The following PTPRD variants were observed in gnomAD, a reference collection of about 807,000 sequenced individuals.
The protein encoded by PTPRD is protein tyrosine phosphatase receptor type D, also known as receptor-type tyrosine-protein phosphatase delta.
In PTPRD, 34 loss-of-function variants were observed where a neutral mutation model predicts 214.5. That is an observed-to-expected ratio of 0.16 (90% CI 0.12 to 0.21). The LOEUF is 0.21. PTPRD is among the 10% of genes least tolerant of loss of function. The pLI, the probability that PTPRD is intolerant of heterozygous loss-of-function variation, is 1.00. For synonymous variants in PTPRD, 1,128 were observed against 845.7 expected (o/e 1.33, Z -5.79); for missense variants, 2,545 against 2,398.7 (o/e 1.06, Z -1.27).
chr9:9,671,102 C>T (rs2096824438), intron 7 of PTPRD, among the ~76,000 whole-genome samples: 1 of 152,158 alleles, frequency 6.6e-6, no homozygotes, highest in South Asian at 2.1e-4. Flanking sequence ...GGGAGGGAAA[C>T]TGTACCCTAC....
In PTPRD at chr9:9,651,826, G is replaced by GTTTTTTTT. The variant is rs869105633; in HGVS notation, c.-286-77053_-286-77046dup. ...CTGCCTTTGTATTTATTCAAGGTTT[G>GTTTTTTTT]TTTTTTTTTTTTTTTTTTTTTTTTT... On this transcript the variant is annotated intron_variant, in intron 7 of 45. Coordinates refer to ENST00000381196, the MANE Select transcript of PTPRD (RefSeq NM_002839.4). Among the ~76,000 whole-genome samples, 6 of 55,082 alleles carry GTTTTTTTT rather than the reference G, an allele frequency of 1.1e-4. 1 individual carries two copies. Among genetic ancestry groups the GTTTTTTTT allele is most frequent in the Non-Finnish European group, 2.1e-4 (6 of 28,776 alleles). 36.1% of individuals were successfully genotyped at this position (55,082 alleles called of 152,430 possible).
chr9:9,740,361 A>ATTTTTTTTTTTTT (rs35876773), intron 6 of PTPRD, among the ~76,000 whole-genome samples: 23 of 145,580 alleles, frequency 1.6e-4, no homozygotes, highest in African/African-American at 5.8e-4. Flanking sequence ...TAAAACTACT[A>ATTTTTTTTTTTTT]TTTTTTTTTT....
intron 5 of PTPRD, among the ~76,000 whole-genome samples, chr9:9,863,700 G>A (rs991501782): frequency 1.3e-5 from 2 of 152,026 alleles, no homozygotes; most frequent in African/African-American, 4.8e-5. Context: ...TTTGTGAGAG[G>A]GCTATTGGAG....
chr9:9,504,175 G>C (rs752172114), intron 8 of PTPRD, among the ~76,000 whole-genome samples: 3 of 151,618 alleles, frequency 2.0e-5, no homozygotes, highest in African/African-American at 7.3e-5. Flanking sequence ...TGTAGTCTAA[G>C]GCTTTTTCTA....
At chr9:9,706,174 C>G (rs1001708520) in intron 7 of PTPRD, among the ~76,000 whole-genome samples, 3 of 152,032 alleles carry the variant, frequency 2.0e-5, no homozygotes, top group African/African-American at 7.2e-5. Context: ...GAATTACTCC[C>G]TAATCTAGGG....
intron 3 of PTPRD, among the ~76,000 whole-genome samples, chr9:10,040,428 T>C (rs2097274851): frequency 6.6e-6 from 1 of 152,038 alleles, no homozygotes; most frequent in Non-Finnish European, 1.5e-5. Flanking sequence ...AGAATTCCAA[T>C]TATACAGGCA....
chr9:9,548,397 C>CTTTTTTTTTTTTTTTTTTTTTTTT (rs1184128772), intron 8 of PTPRD, among the ~76,000 whole-genome samples: 1 of 134,602 alleles, frequency 7.4e-6, no homozygotes. Flanking sequence ...GTATATGTGA[C>CTTTTTTTTTTTTTTTTTTTTTTTT]TTTTTTTCTT....
intron 3 of PTPRD, among the ~76,000 whole-genome samples, chr9:10,226,373 C>T (rs938965781): frequency 1.3e-5 from 2 of 151,972 alleles, no homozygotes; most frequent in Middle Eastern, 3.2e-3. Context: ...TATAGTCCTC[C>T]CTCCAGTTTC....
intron 9 of PTPRD, among the ~76,000 whole-genome samples, chr9:9,228,810 GT>G (rs1296794700): frequency 1.3e-5 from 2 of 151,962 alleles, no homozygotes; most frequent in Non-Finnish European, 2.9e-5. Context: ...TCTTGCCTTC[GT>G]TTTTTGTTTC....
intron 8 of PTPRD, among the ~76,000 whole-genome samples, chr9:9,467,213 CTTTTTTTTTTT>C (rs35659936): frequency 1.1e-5 from 1 of 92,902 alleles, no homozygotes; most frequent in African/African-American, 4.4e-5. Flanking sequence ...GTTCATTTAT[CTTTTTTTTTTT>C]TTTTTTTTTT....
At chr9:10,221,544 A>C (rs546561859) in intron 3 of PTPRD, among the ~76,000 whole-genome samples, 2 of 151,996 alleles carry the variant, frequency 1.3e-5, no homozygotes, top group East Asian at 1.9e-4. Flanking sequence ...TTTATCCGCT[A>C]TTCCTTAGAG....
chr9:8,614,467 T>A (rs534746179), intron 14 of PTPRD, among the ~76,000 whole-genome samples: 2 of 152,294 alleles, frequency 1.3e-5, no homozygotes, highest in East Asian at 3.9e-4. Flanking sequence ...CACAGATTAA[T>A]GCTGAATGTT....
At chr9:9,806,062 T>C (rs1287408706) in intron 5 of PTPRD, among the ~76,000 whole-genome samples, 1 of 151,710 alleles carries the variant, frequency 6.6e-6, no homozygotes, top group Non-Finnish European at 1.5e-5. Flanking sequence ...CTAAAGAAAA[T>C]AGTAACAGGA....
intron 9 of PTPRD, among the ~76,000 whole-genome samples, chr9:9,384,691 T>A (rs926328995): frequency 1.3e-5 from 2 of 152,040 alleles, no homozygotes; most frequent in African/African-American, 2.4e-5. Flanking sequence ...TGTTTGCCAA[T>A]ACTAATAAAA....
chr9:9,237,737 G>A (rs1223955650), intron 9 of PTPRD, among the ~76,000 whole-genome samples: 1 of 152,024 alleles, frequency 6.6e-6, no homozygotes, highest in African/African-American at 2.4e-5. Context: ...ATTTGATCCT[G>A]CATCTCCTGT....
intron 3 of PTPRD, among the ~76,000 whole-genome samples, chr9:10,161,545 A>C (rs534372149): frequency 5.9e-5 from 9 of 151,930 alleles, no homozygotes; most frequent in Non-Finnish European, 1.3e-4. Context: ...TAACAATAAA[A>C]TCAAAATGAT....
chr9:8,568,851 G>T (rs1315740927), intron 14 of PTPRD, among the ~76,000 whole-genome samples: 1 of 151,914 alleles, frequency 6.6e-6, no homozygotes, highest in Non-Finnish European at 1.5e-5. Flanking sequence ...AGTTCTCGGT[G>T]CTGCCTAAAG....
At chr9:9,184,012 T>C (rs1018774840) in intron 9 of PTPRD, among the ~76,000 whole-genome samples, 4 of 152,118 alleles carry the variant, frequency 2.6e-5, no homozygotes, top group African/African-American at 9.6e-5. Flanking sequence ...TCTACCTTAA[T>C]GATTCATTTT....
chr9:9,783,299 G>A (rs2098876520), intron 5 of PTPRD, among the ~76,000 whole-genome samples: 1 of 152,120 alleles, frequency 6.6e-6, no homozygotes, highest in African/African-American at 2.4e-5. Context: ...GTGCAGTGAG[G>A]AAAATTTCCA....
Sources: allele counts gnomAD v4.1 joint callset (sites outside exome capture counted in the v4.1 genomes callset), GRCh38; gene constraint gnomAD v4.1.1; transcripts MANE v1.5; gene names NCBI Gene and HGNC (gene_info 2026-07-23, HGNC 2026-07-21).